The following TMEM165 variants were observed in gnomAD, a reference collection of about 807,000 sequenced individuals.
TMEM165 encodes transmembrane protein 165.
In TMEM165, 19 loss-of-function variants were observed where a neutral mutation model predicts 30.0. That is an observed-to-expected ratio of 0.63 (90% CI 0.44 to 0.93). TMEM165 has a LOEUF of 0.93. TMEM165 is among the 40% of genes least tolerant of loss of function. TMEM165 has a pLI of 0.00. For missense variants in TMEM165, 340 were observed against 417.0 expected, an observed-to-expected ratio of 0.82 and a Z score of 1.61; for synonymous variants, 168 against 162.9, an observed-to-expected ratio of 1.03 and a Z score of -0.24.
chr4:55,425,034 C>A (rs976841104), intron 5 of TMEM165, among the ~76,000 whole-genome samples: 1 of 152,194 alleles, frequency 6.6e-6, no homozygotes, highest in African/African-American at 2.4e-5. Flanking sequence ...ATGGAAGAAT[C>A]GTCTCTTTGC....
chr4:55,400,288 T>TTATATATAATATTATATATAATATTA, intron 1 of TMEM165, among the ~76,000 whole-genome samples: 1 of 98,352 alleles, frequency 1.0e-5, no homozygotes, highest in South Asian at 2.3e-4. Flanking sequence ...ATATTATATA[T>TTATATATAATATTATATATAATATTA]TATATATAAT....
chr4:55,426,663 A>G (rs1722214811), downstream of TMEM165, among the ~76,000 whole-genome samples: 1 of 152,254 alleles, frequency 6.6e-6, no homozygotes, highest in Non-Finnish European at 1.5e-5. Flanking sequence ...GAGGTATAAT[A>G]GGAGACCCAG....
chr4:55,449,965 A>T, intron 3 of TMEM165: 1 of 1,152,114 alleles, frequency 8.7e-7, no homozygotes, highest in Non-Finnish European at 1.3e-6. Flanking sequence ...TGGAAAGGTT[A>T]CTACATTTCA....
At chr4:55,398,663 T>G (rs531964183) in intron 1 of TMEM165, among the ~76,000 whole-genome samples, 14 of 152,318 alleles carry the variant, frequency 9.2e-5, no homozygotes, top group African/African-American at 3.4e-4. Flanking sequence ...TCTTGCAAGT[T>G]GTGTGCGTGT....
chr4:55,406,625 A>G (rs984035897), intron 1 of TMEM165, among the ~76,000 whole-genome samples: 1 of 152,128 alleles, frequency 6.6e-6, no homozygotes, highest in Non-Finnish European at 1.5e-5. Context: ...CCATTTATTT[A>G]ACTAGTTTTC....
Position 55,396,099 on chromosome 4 carries a change from G to A in TMEM165, c.-91G>A. The stretch of plus-strand genomic sequence containing the variant: ...AAGCGGCGGCGGCGGCGAGTCGTGA[G>A]GACGCGCCGCGGAGGCTGTTCGGGG... On this transcript the variant is annotated 5_prime_UTR_variant, in exon 1 of 6. Transcript: ENST00000381334. 1.8e-6 allele frequency: 2 copies of A among 1,126,804 alleles called. No homozygotes were observed. The highest frequency in any genetic ancestry group is 1.1e-6 in the Non-Finnish European group (1 of 878,120). 69.8% of individuals were successfully genotyped at this position (1,126,804 alleles called of 1,614,324 possible).
Position 55,411,616 on chromosome 4 carries a change from A to G in TMEM165, c.210A>G (p.Lys70=), listed in dbSNP as rs141707695. 3.7e-6 allele frequency: 6 copies of G among 1,602,346 alleles called. No individual in the cohort carries two copies. In the African/African-American group the frequency reaches 6.8e-5, roughly 18 times the overall value. Residue 70 remains lysine, a splice_region_variant and synonymous_variant, in exon 2 of 6, where the codon AAA becomes AAG. Coordinates refer to ENST00000381334, the MANE Select transcript of TMEM165 (RefSeq NM_018475.5). The part of the protein sequence containing the change: ...VQGPEPARVE[K]IFTPAAPVHT... ...AGTAACTGATTTTTTTTTTCCAGAA[A>G]ATATTTACACCAGCAGCTCCAGTTC... is the stretch of plus-strand genomic sequence containing the variant.
At chr4:55,403,146 T>C (rs1020596212) in intron 1 of TMEM165, 1 of 828,462 alleles carries the variant, frequency 1.2e-6, no homozygotes, top group African/African-American at 1.9e-5. Flanking sequence ...AAGCAAATTG[T>C]AAGCATTTTC....
chr4:55,420,603 T>C (rs1578242754), intron 4 of TMEM165, among the ~76,000 whole-genome samples: 1 of 152,160 alleles, frequency 6.6e-6, no homozygotes, highest in African/African-American at 2.4e-5. Context: ...CTAACTGCCC[T>C]GCGGGGATAT....
At chr4:55,448,809 T>C (rs774377240) in intron 3 of TMEM165, 1 of 1,614,038 alleles carries the variant, frequency 6.2e-7, no homozygotes, top group South Asian at 1.1e-5. Context: ...TTGGTAAATT[T>C]GTAGCTTGAG....
At chr4:55,449,524 T>A in intron 3 of TMEM165, 1 of 1,519,740 alleles carries the variant, frequency 6.6e-7, no homozygotes, top group Non-Finnish European at 9.1e-7. Flanking sequence ...AGAAGAGCAT[T>A]AGTACTTTAT....
At chr4:55,420,605 C>T (rs151120173) in intron 4 of TMEM165, among the ~76,000 whole-genome samples, 291 of 152,202 alleles carry the variant, frequency 1.9e-3, no homozygotes, top group Middle Eastern at 3.4e-3. Flanking sequence ...AACTGCCCTG[C>T]GGGGATATTT....
At position 55,425,608 on chromosome 4, in the gene TMEM165, A is replaced by G; in HGVS notation, c.*156A>G. ...TATTATGTCTGAGATATAATCATTG[A>G]TTCTATTTGTAACAAGGAGTTTTAA... On this transcript the variant is annotated 3_prime_UTR_variant, in exon 6 of 6. Coordinates refer to ENST00000381334, the MANE Select transcript of TMEM165 (RefSeq NM_018475.5). 1.7e-6 allele frequency: 1 copy of G among 578,928 alleles called. No individual in the cohort carries two copies. Among genetic ancestry groups the G allele is most frequent in the Non-Finnish European group, 3.0e-6 (1 of 338,262 alleles). The allele number at this position is 578,928 out of a possible 1,614,324, so 35.9% of individuals were successfully genotyped here.
exon 4 of TMEM165, chr4:55,452,267 T>A (rs941506202): frequency 6.6e-6 from 1 of 152,216 alleles, no homozygotes; most frequent in African/African-American, 2.4e-5. Flanking sequence ...TCATCTTGCA[T>A]GCTTGCTCTG....
chr4:55,403,123 A>G, intron 1 of TMEM165: 1 of 593,254 alleles, frequency 1.7e-6, no homozygotes, highest in Non-Finnish European at 2.7e-6. Context: ...AGTAGTGCCC[A>G]GGAGACAGTT....
chr4:55,406,711 G>A (rs1721282020), intron 1 of TMEM165, among the ~76,000 whole-genome samples: 1 of 151,878 alleles, frequency 6.6e-6, no homozygotes, highest in South Asian at 2.1e-4. Flanking sequence ...CCAGGCTGGA[G>A]TGCAGTGATG....
At chr4:55,427,952 G>T (rs1444575092), downstream of TMEM165, 1 of 152,178 alleles carries the variant, frequency 6.6e-6, no homozygotes, top group African/African-American at 2.4e-5. Context: ...AATCCAAAAT[G>T]TGATTCTTAC....
chr4:55,397,231 T>G (rs1171362559), intron 1 of TMEM165: 1 of 152,186 alleles, frequency 6.6e-6, no homozygotes, highest in African/African-American at 2.4e-5. Flanking sequence ...GTAACTAATC[T>G]TCCCGAACAT....
rs769932839 is a variant in TMEM165 at position 55,448,905 on chromosome 4, C to T, written c.409-3334C>T. 2.8e-6 allele frequency: 4 copies of T among 1,411,028 alleles called. No individual in the cohort carries two copies. The South Asian group carries it at 4.6e-5, about 16-fold the overall frequency. 87.4% of individuals were successfully genotyped at this position (1,411,028 alleles called of 1,614,324 possible). A position where few individuals can be genotyped will look rare whatever the true frequency, so the allele number is the denominator to read the frequency against. ...TAAAAAATAACACTGAAGTGATTCTCATTCCCATACATGAGTACTTCCAGC... is the reference window on the plus strand; with the variant it reads ...TAAAAAATAACACTGAAGTGATTCTTATTCCCATACATGAGTACTTCCAGC... On this transcript the variant is annotated intron_variant, in intron 3 of 3. Transcript: ENST00000608091.
Sources: allele counts gnomAD v4.1 joint callset (sites outside exome capture counted in the v4.1 genomes callset), GRCh38; gene constraint gnomAD v4.1.1; transcripts MANE v1.5; gene names NCBI Gene and HGNC (gene_info 2026-07-23, HGNC 2026-07-21).